Variants in ODAD2 observed in about 807,000 individuals in gnomAD.
The protein encoded by ODAD2 is outer dynein arm-docking complex subunit 2.
ODAD2 carries 89 observed loss-of-function variants against 106.8 expected under a neutral mutation model. The observed-to-expected ratio is 0.83, with a 90% CI of 0.70 to 0.99. The LOEUF is 0.99. ODAD2 is among the 50% of genes least tolerant of loss of function. The pLI is 0.00. For synonymous variants in ODAD2, 404 were observed against 436.2 expected, an observed-to-expected ratio of 0.93 and a Z score of 0.92; for missense variants, 1,168 against 1,238.5, an observed-to-expected ratio of 0.94 and a Z score of 0.85.
chr10:27,920,538 G>A (rs970499549), intron 16 of ODAD2, among the ~76,000 whole-genome samples: 4 of 151,982 alleles, frequency 2.6e-5, no homozygotes, highest in Admixed American at 6.6e-5. Flanking sequence ...ACCAAGATTC[G>A]GAAGATTAAA....
chr10:27,812,676 C>A, intron 19 of ODAD2, 51 bp from the exon 20 acceptor site: 4 of 1,513,066 alleles, frequency 2.6e-6, no homozygotes, highest in South Asian at 1.3e-5. Context: ...AAACATTAAT[C>A]TAAAGACATA....
chr10:27,823,080 G>C (rs564463373), intron 19 of ODAD2, among the ~76,000 whole-genome samples: 152 of 152,278 alleles, frequency 1.0e-3, no homozygotes, highest in Middle Eastern at 3.4e-3. Flanking sequence ...CTGGGTCAGG[G>C]AATTGTGGGA....
Position 27,913,190 on chromosome 10 carries a change from C to T in ODAD2, c.2496-5413G>A, listed in dbSNP as rs534933544. On this transcript the variant is annotated intron_variant, in intron 16 of 19. Transcript: ENST00000305242. ...GCAGGTTTGTTAAATAGGTAAATTA[C>T]GTGTCGCGGGGGTTTGGTGTACAGA... Among the ~76,000 whole-genome samples the T allele has an allele frequency of 4.6e-5, 7 of 151,984 alleles. No homozygotes were observed. In the South Asian group the frequency reaches 6.2e-4, roughly 14 times the overall value.
rs181108070 is a variant in ODAD2 at position 27,983,822 on chromosome 10, C to A, written c.819+21G>T. 32 of 1,610,738 alleles carry A rather than the reference C, an allele frequency of 2.0e-5. No homozygotes were observed. In the South Asian group the frequency reaches 3.2e-4, roughly 16 times the overall value. On this transcript the variant is annotated intron_variant, in intron 6 of 19. Transcript: ENST00000305242. The stretch of plus-strand genomic sequence containing the variant: ...AATCAAAGTCCACTGGCTTTAGTTA[C>A]GTTTTTAAAAATTTACTTACACCAT...
At chr10:27,931,430 G>A (rs1487422016) in intron 16 of ODAD2, among the ~76,000 whole-genome samples, 3 of 151,868 alleles carry the variant, frequency 2.0e-5, no homozygotes, top group Non-Finnish European at 2.9e-5. Flanking sequence ...ACTAATAAAT[G>A]TTTACTGCCT....
chr10:27,882,779 A>G (rs962076318), intron 17 of ODAD2, among the ~76,000 whole-genome samples: 1 of 152,126 alleles, frequency 6.6e-6, no homozygotes, highest in Non-Finnish European at 1.5e-5. Context: ...GAGCCCCACA[A>G]AAGCTCCATT....
At chr10:27,829,698 T>C (rs1254179819) in intron 19 of ODAD2, among the ~76,000 whole-genome samples, 2 of 152,212 alleles carry the variant, frequency 1.3e-5, no homozygotes, top group African/African-American at 4.8e-5. Context: ...AATAAGCAAC[T>C]AGATATTAAT....
chr10:27,964,223 TTAATAA>T (rs902569906), intron 9 of ODAD2, among the ~76,000 whole-genome samples: 6 of 152,036 alleles, frequency 3.9e-5, no homozygotes, highest in African/African-American at 1.4e-4. Context: ...CTCTGTAATA[TTAATAA>T]TAATAACAAT....
intron 19 of ODAD2, among the ~76,000 whole-genome samples, chr10:27,832,021 C>T (rs1391671480): frequency 6.6e-6 from 1 of 152,244 alleles, no homozygotes; most frequent in East Asian, 1.9e-4. Flanking sequence ...TTCGGGGCTT[C>T]CCCTGAAGGC....
At chr10:27,829,198 A>G (rs1380993289) in intron 19 of ODAD2, among the ~76,000 whole-genome samples, 1 of 152,194 alleles carries the variant, frequency 6.6e-6, no homozygotes, top group Non-Finnish European at 1.5e-5. Flanking sequence ...ATTAATATAG[A>G]AAAAATAAAG....
chr10:27,823,038 A>G (rs922976275), intron 19 of ODAD2, among the ~76,000 whole-genome samples: 2 of 152,176 alleles, frequency 1.3e-5, no homozygotes, highest in African/African-American at 4.8e-5. Flanking sequence ...TCTTCTAAAA[A>G]TGCTAGAAAT....
chr10:27,971,935 A>G (rs906346967), intron 7 of ODAD2, among the ~76,000 whole-genome samples: 2 of 152,204 alleles, frequency 1.3e-5, no homozygotes, highest in Admixed American at 1.3e-4. Context: ...AAAATTATTC[A>G]GTCAGGAGTA....
At chr10:27,901,083 A>G (rs1173096787) in intron 17 of ODAD2, among the ~76,000 whole-genome samples, 1 of 152,220 alleles carries the variant, frequency 6.6e-6, no homozygotes, top group African/African-American at 2.4e-5. Flanking sequence ...GTTACCCACA[A>G]AGGGAAGCCC....
At position 27,843,468 on chromosome 10, in the gene ODAD2, A is replaced by G. The variant is rs1838465061; in HGVS notation, c.3021+17157T>C. ...TCCTGATTACCTGAGAGGTAACTGT[A>G]AAACTTAGCACTGAGGGCCGGGCAT... On this transcript the variant is annotated intron_variant, in intron 19 of 19. Coordinates refer to ENST00000305242, the MANE Select transcript of ODAD2 (RefSeq NM_018076.5). Among the ~76,000 whole-genome samples, 4 of 152,314 alleles carry G rather than the reference A, an allele frequency of 2.6e-5. No homozygotes were observed. In the South Asian group the frequency reaches 8.3e-4, roughly 32 times the overall value.
rs752722722 is a variant in ODAD2 at position 27,812,345 on chromosome 10, G to A, written c.*167C>T. 2 of 612,040 alleles carry A rather than the reference G, an allele frequency of 3.3e-6. No individual in the cohort carries two copies. The highest frequency in any genetic ancestry group is 5.5e-6 in the Non-Finnish European group (2 of 366,636). The allele number at this position is 612,040 out of a possible 1,614,324, so 37.9% of individuals were successfully genotyped here. A position where few individuals can be genotyped will look rare whatever the true frequency, so the allele number is the denominator to read the frequency against. ...ATTAAATAGAAACAAAAGTCTCCATGCAATTTTCAGATGAAAAACATTCTG... is the reference window on the plus strand; with the variant it reads ...ATTAAATAGAAACAAAAGTCTCCATACAATTTTCAGATGAAAAACATTCTG... On this transcript the variant is annotated 3_prime_UTR_variant, in exon 20 of 20. Coordinates refer to ENST00000305242, the MANE Select transcript of ODAD2 (RefSeq NM_018076.5).
At chr10:27,920,872 A>C (rs1844729966) in intron 16 of ODAD2, among the ~76,000 whole-genome samples, 1 of 152,046 alleles carries the variant, frequency 6.6e-6, no homozygotes, top group African/African-American at 2.4e-5. Context: ...AAAAAAAAAA[A>C]CTATGTAAAT....
intron 16 of ODAD2, among the ~76,000 whole-genome samples, chr10:27,926,700 G>C (rs1845282407): frequency 6.6e-6 from 1 of 152,074 alleles, no homozygotes; most frequent in South Asian, 2.1e-4. Context: ...TTTTTACAAA[G>C]AAAGTAAAGA....
chr10:27,845,398 C>T (rs1838656534), intron 19 of ODAD2, among the ~76,000 whole-genome samples: 1 of 152,122 alleles, frequency 6.6e-6, no homozygotes, highest in African/African-American at 2.4e-5. Context: ...ACCAGGCCTG[C>T]CCTAAAAGAG....
chr10:27,870,900 TC>T (rs1357441556), intron 17 of ODAD2, among the ~76,000 whole-genome samples: 1 of 152,190 alleles, frequency 6.6e-6, no homozygotes, highest in African/African-American at 2.4e-5. Flanking sequence ...AAATGGTATT[TC>T]TAGTTCTAGA....
Sources: allele counts gnomAD v4.1 joint callset (sites outside exome capture counted in the v4.1 genomes callset), GRCh38; gene constraint gnomAD v4.1.1; transcripts MANE v1.5; gene names NCBI Gene and HGNC (gene_info 2026-07-23, HGNC 2026-07-21).